Variants in PRRG1 observed in about 807,000 individuals in gnomAD.
PRRG1 encodes the protein transmembrane gamma-carboxyglutamic acid protein 1.
Under a neutral mutation model 11.8 loss-of-function variants are expected in PRRG1, and 5 were observed. The ratio of observed to expected loss-of-function variants is 0.42; its 90% CI spans 0.22 to 0.89. PRRG1 has a LOEUF of 0.89. Among genes scored for constraint, PRRG1 ranks in the 40% least tolerant of loss-of-function variants. The probability of loss-of-function intolerance (pLI) is 0.28; values close to 1 mark genes in which losing one functional copy is unlikely to be tolerated. For missense variants in PRRG1, 155 were observed against 166.1 expected (o/e 0.93, Z 0.37); for synonymous variants, 66 against 60.4 (o/e 1.09, Z -0.43).
chrX:37,393,566 G>T (rs931235668), intron 1 of PRRG1, among the ~76,000 whole-genome samples: 1 of 111,174 alleles, frequency 9.0e-6, no homozygotes, highest in Non-Finnish European at 1.9e-5. Context: ...AATCCAAATG[G>T]TTTTCCAGCC....
chrX:37,352,495 A>T (rs1311400104), intron 1 of PRRG1, among the ~76,000 whole-genome samples: 1 of 111,644 alleles, frequency 9.0e-6, no homozygotes, highest in Non-Finnish European at 1.9e-5. Context: ...CTGAAAAAAT[A>T]TTCCAAACCA....
chrX:37,442,422 T>A (rs1013355087), intron 3 of PRRG1, among the ~76,000 whole-genome samples: 1 of 88,951 alleles, frequency 1.1e-5, no homozygotes, highest in Non-Finnish European at 2.1e-5. Flanking sequence ...CTTCCCCTTA[T>A]AAACTCTGAG....
At chrX:37,448,952 G>T (rs1202927059) in intron 3 of PRRG1, among the ~76,000 whole-genome samples, 4 of 111,248 alleles carry the variant, frequency 3.6e-5, no homozygotes, top group Non-Finnish European at 7.5e-5. Context: ...GTTTAAAAAT[G>T]ATCTGTTTCT....
rs193125140 is a variant in PRRG1, at chrX:37,370,271, G to A, written c.-42+20876G>A. 2.9e-4 allele frequency among the ~76,000 whole-genome samples: 33 copies of A among 112,012 alleles called. 1 individual carries two copies. The highest frequency in any genetic ancestry group is 1.0e-3 in the Admixed American group (11 of 10,698). On this transcript the variant is annotated intron_variant, in intron 1 of 3. Coordinates refer to ENST00000378628, the MANE Select transcript of PRRG1 (RefSeq NM_001142395.2). ...ATACTTAGGTTGATTCTGTATCTTG[G>A]CTATTGTGAACACTGCTGCAATGAA... is the stretch of plus-strand genomic sequence containing the variant.
At chrX:37,364,009 CT>C (rs1189419975) in intron 1 of PRRG1, among the ~76,000 whole-genome samples, 1 of 110,927 alleles carries the variant, frequency 9.0e-6, no homozygotes, top group African/African-American at 3.3e-5. Flanking sequence ...GCTTTTTCTC[CT>C]TTTTTTTCTC....
At chrX:37,390,319 G>A (rs1556376288) in intron 1 of PRRG1, among the ~76,000 whole-genome samples, 1 of 111,423 alleles carries the variant, frequency 9.0e-6, no homozygotes, top group African/African-American at 3.3e-5. Context: ...CCAACATTCA[G>A]ACCATAGCAC....
chrX:37,423,658 T>G (rs1202581489), intron 2 of PRRG1, among the ~76,000 whole-genome samples: 1 of 110,367 alleles, frequency 9.1e-6, no homozygotes, highest in Non-Finnish European at 1.9e-5. Context: ...CATGAGTTAC[T>G]GCTCCCAGCC....
At position 37,432,329 on chromosome X, in the gene PRRG1, G is replaced by A. The variant is rs781977818; in HGVS notation, c.171+6329G>A. 8.5e-3 allele frequency among the ~76,000 whole-genome samples: 935 copies of A among 110,228 alleles called. 7 individuals are homozygous for A. The highest frequency in any genetic ancestry group is 0.015 in the African/African-American group (442 of 29,950). ...TCTCGATCTCCTGACCTCATGATCC[G>A]CCCGCCTTGGCCTCCCAAAGTGCTG... On this transcript the variant is annotated intron_variant, in intron 3 of 3. Transcript: ENST00000378628.
chrX:37,454,592 A>G lies in PRRG1; in HGVS notation c.*971A>G, dbSNP rs1185530744. The G allele has an allele frequency of 3.6e-5, 4 of 111,936 alleles. No homozygotes were observed. The highest frequency in any genetic ancestry group is 5.6e-5 in the Non-Finnish European group (3 of 53,259). 9.2% of individuals were successfully genotyped at this position (111,936 alleles called of 1,213,427 possible). On this transcript the variant is annotated 3_prime_UTR_variant, in exon 4 of 4. Coordinates refer to ENST00000378628, the MANE Select transcript of PRRG1 (RefSeq NM_001142395.2). ...TAGTTAAAATAAAATTTTTGAAATT[A>G]TTGTCTTAATATTTTTATATAGGCT...
At chrX:37,411,540 A>G (rs973522770) in intron 2 of PRRG1, among the ~76,000 whole-genome samples, 1 of 112,005 alleles carries the variant, frequency 8.9e-6, no homozygotes, top group East Asian at 2.8e-4. Context: ...TATTGTTTTT[A>G]TTACAGTGTT....
chrX:37,422,979 G>T (rs1339353577), intron 2 of PRRG1, among the ~76,000 whole-genome samples: 2 of 110,687 alleles, frequency 1.8e-5, no homozygotes, highest in African/African-American at 6.6e-5. Flanking sequence ...AGCCTCAAGC[G>T]AGTTCTTCTG....
chrX:37,388,209 C>T (rs1569440122), intron 1 of PRRG1, among the ~76,000 whole-genome samples: 1 of 112,281 alleles, frequency 8.9e-6, no homozygotes, highest in Non-Finnish European at 1.9e-5. Flanking sequence ...TGAGCACCTT[C>T]TGCTTTTCCA....
At chrX:37,368,770 A>T (rs1930663668) in intron 1 of PRRG1, among the ~76,000 whole-genome samples, 1 of 109,655 alleles carries the variant, frequency 9.1e-6, no homozygotes, top group Non-Finnish European at 1.9e-5. Flanking sequence ...TAAATCCGTA[A>T]ATGTTTTCAG....
intron 2 of PRRG1, among the ~76,000 whole-genome samples, chrX:37,419,175 T>C (rs1239023015): frequency 8.9e-6 from 1 of 112,481 alleles, no homozygotes; most frequent in Non-Finnish European, 1.9e-5. Flanking sequence ...AAGCATATTT[T>C]GTTATAGTTA....
At chrX:37,351,191 G>T (rs2146913340) in intron 1 of PRRG1, among the ~76,000 whole-genome samples, 1 of 111,700 alleles carries the variant, frequency 9.0e-6, no homozygotes, top group South Asian at 3.7e-4. Flanking sequence ...AATAAATGCT[G>T]TTAGAAAGAT....
chrX:37,398,367 A>C (rs1439925693), intron 1 of PRRG1, among the ~76,000 whole-genome samples: 1 of 112,234 alleles, frequency 8.9e-6, no homozygotes, highest in African/African-American at 3.2e-5. Context: ...ACCCAGGCAA[A>C]CAGGGTCTGG....
At chrX:37,426,380 G>C (rs782777683) in intron 3 of PRRG1, among the ~76,000 whole-genome samples, 1 of 111,862 alleles carries the variant, frequency 8.9e-6, no homozygotes, top group Non-Finnish European at 1.9e-5. Flanking sequence ...TTTACTTCTC[G>C]TACAAAAGAA....
chrX:37,364,879 A>C (rs1556368744), intron 1 of PRRG1, among the ~76,000 whole-genome samples: 1 of 112,037 alleles, frequency 8.9e-6, no homozygotes, highest in Non-Finnish European at 1.9e-5. Flanking sequence ...ACCATATATG[A>C]ATTGTCTCCA....
At chrX:37,401,242 A>G (rs1375854711) in intron 1 of PRRG1, among the ~76,000 whole-genome samples, 1 of 111,254 alleles carries the variant, frequency 9.0e-6, no homozygotes, top group African/African-American at 3.3e-5. Context: ...TCAATAAAAT[A>G]CTGGCAAACC....
Sources: allele counts gnomAD v4.1 joint callset (sites outside exome capture counted in the v4.1 genomes callset), GRCh38; gene constraint gnomAD v4.1.1; transcripts MANE v1.5; gene names NCBI Gene and HGNC (gene_info 2026-07-23, HGNC 2026-07-21).